The following ZNF592 variants were observed in gnomAD, a reference collection of about 807,000 sequenced individuals.
The protein encoded by ZNF592 is zinc finger protein 592.
ZNF592 carries 11 observed loss-of-function variants against 80.3 expected under a neutral mutation model. That is an observed-to-expected ratio of 0.14 (90% CI 0.09 to 0.23). ZNF592 has a LOEUF of 0.23. Among genes scored for constraint, ZNF592 ranks in the 10% least tolerant of loss-of-function variants. ZNF592 has a pLI of 1.00. For missense variants in ZNF592, 1,420 were observed against 1,633.9 expected (o/e 0.87, Z 2.26); for synonymous variants, 646 against 640.3 (o/e 1.01, Z -0.13).
chr15:84,790,887 G>A lies in ZNF592; in HGVS notation c.2399+4G>A. Reference sequence around the variant, plus strand: ...ATGCCCGCAAGGTGGGCTACAGGTGGGTGCTGCCTGGCTTGCTGTCCTGGT... The same window carrying A: ...ATGCCCGCAAGGTGGGCTACAGGTGAGTGCTGCCTGGCTTGCTGTCCTGGT... On this transcript the variant is annotated splice_donor_region_variant and intron_variant, in intron 5 of 10. Coordinates refer to ENST00000560079, the MANE Select transcript of ZNF592 (RefSeq NM_014630.3). 3 of 1,614,212 alleles carry A rather than the reference G, an allele frequency of 1.9e-6. No homozygotes were observed. The highest frequency in any genetic ancestry group is 1.7e-4 in the Middle Eastern group (1 of 6,050).
Position 84,782,837 on chromosome 15 carries a change from G to A in ZNF592, c.162G>A (p.Leu54=), listed in dbSNP as rs750562557. ...PGICMDESVS[L]SHSGSAPDVP... ...TATGTATGGATGAAAGTGTGTCCTT[G>A]TCTCACTCAGGATCAGCCCCCGATG... is the stretch of plus-strand genomic sequence containing the variant. The change falls in exon 4 of 11, where the codon TTG becomes TTA. Residue 54 remains leucine (L), a synonymous_variant. Coordinates refer to ENST00000560079, the MANE Select transcript of ZNF592 (RefSeq NM_014630.3). The A allele has an allele frequency of 2.5e-6, 4 of 1,614,020 alleles. No homozygotes were observed. The Admixed American group carries it at 5.0e-5, about 20-fold the overall frequency.
At chr15:84,774,537 C>T (rs1262861606) in intron 2 of ZNF592, among the ~76,000 whole-genome samples, 1 of 152,192 alleles carries the variant, frequency 6.6e-6, no homozygotes, top group Non-Finnish European at 1.5e-5. Context: ...GCATAAATCA[C>T]TAGTCCAAAA....
intron 5 of ZNF592, among the ~76,000 whole-genome samples, chr15:84,793,698 C>A (rs1046248736): frequency 2.0e-5 from 3 of 152,184 alleles, no homozygotes; most frequent in Non-Finnish European, 4.4e-5. Context: ...CTTCTTTCTT[C>A]CCCCCTAGCC....
intron 1 of ZNF592, among the ~76,000 whole-genome samples, chr15:84,751,035 A>C (rs1898999042): frequency 6.6e-6 from 1 of 152,202 alleles, no homozygotes; most frequent in South Asian, 2.1e-4. Context: ...AGGTAAGGCA[A>C]GGCTTTCTGG....
intron 1 of ZNF592, among the ~76,000 whole-genome samples, chr15:84,758,757 C>CAAAAAA (rs142239350): frequency 2.8e-5 from 1 of 35,266 alleles, no homozygotes; most frequent in African/African-American, 8.7e-5. Flanking sequence ...ACTGAAAATC[C>CAAAAAA]AAAAAAAAAA....
In ZNF592 at chr15:84,784,089, G is replaced by T. The variant is rs759797510; in HGVS notation, c.1414G>T (p.Gly472Trp). The T allele has an allele frequency of 1.2e-6, 2 of 1,614,080 alleles. No individual in the cohort carries two copies. Among genetic ancestry groups the T allele is most frequent in the Non-Finnish European group, 1.7e-6 (2 of 1,179,974 alleles). Reference sequence around the variant, plus strand: ...CAGTTCTGGGCCCCGGGTCCCAAAGGGGGCTGCCCCAGGCTCACAGACAGG... The same window carrying T: ...CAGTTCTGGGCCCCGGGTCCCAAAGTGGGCTGCCCCAGGCTCACAGACAGG... The part of the protein sequence containing the change: ...SCSSGPRVPK[G>W]AAPGSQTGKK... Residue 472 changes from glycine (G) to tryptophan (W), a missense_variant, in exon 4 of 11, where the codon GGG (glycine) becomes TGG (tryptophan). Physicochemically the swap from Gly to Trp is radical, Grantham distance 184. Coordinates refer to ENST00000560079, the MANE Select transcript of ZNF592 (RefSeq NM_014630.3). The surrounding 1 kb of genome is among the most constrained non-coding windows in gnomAD (Gnocchi z 5.8).
At chr15:84,793,700 C>G (rs1962814227) in intron 5 of ZNF592, among the ~76,000 whole-genome samples, 1 of 152,188 alleles carries the variant, frequency 6.6e-6, no homozygotes. Flanking sequence ...TCTTTCTTCC[C>G]CCCTAGCCCT....
At position 84,798,590 on chromosome 15, in the gene ZNF592, C is replaced by T; in HGVS notation, c.2739C>T (p.Ser913=). 1 of 1,614,114 alleles carries T rather than the reference C, an allele frequency of 6.2e-7. No homozygotes were observed. The highest frequency in any genetic ancestry group is 8.5e-7 in the Non-Finnish European group (1 of 1,180,028). The stretch of plus-strand genomic sequence containing the variant: ...GTAATCGCTCTCCCCATCCCCAGAG[C>T]ACCCACGGTGTTCCCCGAAATGTGG... ...QKPELMQHVK[S]THGVPRNVDE... The change falls in exon 8 of 11, where the codon AGC becomes AGT. Residue 913 remains serine (S), a splice_region_variant and synonymous_variant. Transcript: ENST00000560079. This position sits in a 1 kb window ranked among gnomAD's most constrained non-coding sequence, Gnocchi z 4.5.
rs138431906 is a variant in ZNF592 at position 84,750,262 on chromosome 15, C to T, written c.-259+1598C>T. 1.8e-4 allele frequency among the ~76,000 whole-genome samples: 28 copies of T among 152,304 alleles called. No homozygotes were observed. In the East Asian group the frequency reaches 4.6e-3, roughly 25 times the overall value. ...AGGTTGCAGTGACCTGAGATCGTGC[C>T]GTTGCACTCTAGCTTGGGCTACAGA... On this transcript the variant is annotated intron_variant, in intron 1 of 10. Transcript: ENST00000560079.
intron 2 of ZNF592, among the ~76,000 whole-genome samples, chr15:84,768,606 TA>T (rs1338038932): frequency 6.6e-6 from 1 of 152,142 alleles, no homozygotes; most frequent in Non-Finnish European, 1.5e-5. Flanking sequence ...TTCTCAGAGC[TA>T]GCCTTTTCTT....
chr15:84,796,264 ATTT>A (rs374889586), intron 5 of ZNF592, among the ~76,000 whole-genome samples: 20,366 of 59,162 alleles, frequency 0.34, 3,769 homozygotes, highest in African/African-American at 0.57. Context: ...ATATATATAT[ATTT>A]TATATATATA....
chr15:84,755,303 T>G (rs1188557180), intron 1 of ZNF592, among the ~76,000 whole-genome samples: 1 of 151,882 alleles, frequency 6.6e-6, no homozygotes, highest in East Asian at 1.9e-4. Context: ...TTTTAATTTT[T>G]TTTTATTTTT....
intron 2 of ZNF592, among the ~76,000 whole-genome samples, chr15:84,767,081 G>A (rs1407920353): frequency 2.6e-5 from 4 of 152,082 alleles, no homozygotes; most frequent in African/African-American, 9.7e-5. Flanking sequence ...TACAGCCTTC[G>A]CCTCTGGGGC....
chr15:84,789,517 T>G (rs1432936322), intron 4 of ZNF592, among the ~76,000 whole-genome samples: 1 of 152,208 alleles, frequency 6.6e-6, no homozygotes, highest in Admixed American at 6.5e-5. Context: ...TGTACTATTT[T>G]CCACAGTAGA....
intron 2 of ZNF592, among the ~76,000 whole-genome samples, chr15:84,765,349 T>C (rs1380860600): frequency 6.6e-6 from 1 of 152,146 alleles, no homozygotes; most frequent in Non-Finnish European, 1.5e-5. Context: ...GTATCTTGTG[T>C]CCTCCCGCTC....
At chr15:84,753,716 G>T (rs555535435) in intron 1 of ZNF592, among the ~76,000 whole-genome samples, 3 of 152,150 alleles carry the variant, frequency 2.0e-5, no homozygotes, top group African/African-American at 7.2e-5. Flanking sequence ...CAAATGATCC[G>T]CCTGCCTTGG....
In ZNF592 at chr15:84,806,346, T is replaced by C. The variant is rs1423556595; in HGVS notation, c.*3953T>C. 6.6e-6 allele frequency: 1 copy of C among 152,244 alleles called. No individual in the cohort carries two copies. 9.4% of individuals were successfully genotyped at this position (152,244 alleles called of 1,614,324 possible). On this transcript the variant is annotated 3_prime_UTR_variant, in exon 11 of 11. Coordinates refer to ENST00000560079, the MANE Select transcript of ZNF592 (RefSeq NM_014630.3). Reference sequence around the variant, plus strand: ...GGACGCAGGTCCCAAGTATGGGATTTTTTTGGGTTCCTACTTAAAATGCTT... The same window carrying C: ...GGACGCAGGTCCCAAGTATGGGATTCTTTTGGGTTCCTACTTAAAATGCTT...
At chr15:84,770,204 A>G (rs1011083093) in intron 2 of ZNF592, among the ~76,000 whole-genome samples, 1 of 152,204 alleles carries the variant, frequency 6.6e-6, no homozygotes, top group Non-Finnish European at 1.5e-5. Context: ...ATTTACTGAA[A>G]TGCGGAAGGC....
intron 2 of ZNF592, among the ~76,000 whole-genome samples, chr15:84,770,716 A>G (rs1899674134): frequency 6.6e-6 from 1 of 152,014 alleles, no homozygotes; most frequent in African/African-American, 2.4e-5. Flanking sequence ...ACCAAAAAGC[A>G]GGAATCCATC....
Sources: allele counts gnomAD v4.1 joint callset (sites outside exome capture counted in the v4.1 genomes callset), GRCh38; gene constraint gnomAD v4.1.1; non-coding constraint Gnocchi (gnomAD v3.1); transcripts MANE v1.5; gene names NCBI Gene and HGNC (gene_info 2026-07-23, HGNC 2026-07-21).